The following PHYHIPL variants were observed in gnomAD, a reference collection of about 807,000 sequenced individuals.
PHYHIPL encodes phytanoyl-CoA hydroxylase-interacting protein-like.
PHYHIPL carries 9 observed loss-of-function variants against 33.4 expected under a neutral mutation model. The ratio of observed to expected loss-of-function variants is 0.27; its 90% confidence interval spans 0.16 to 0.47. The LOEUF is 0.47. Ranked by LOEUF, PHYHIPL falls within the 20% of genes least tolerant of loss-of-function variation. PHYHIPL has a pLI of 0.99. For missense variants in PHYHIPL, 365 were observed against 460.7 expected, an observed-to-expected ratio of 0.79 and a Z score of 1.90; for synonymous variants, 153 against 154.1, an observed-to-expected ratio of 0.99 and a Z score of 0.05.
chr10:59,188,684 T>C (rs886772525), intron 1 of PHYHIPL, among the ~76,000 whole-genome samples: 3 of 152,176 alleles, frequency 2.0e-5, no homozygotes, highest in Admixed American at 6.6e-5. Flanking sequence ...GGATAGTTAG[T>C]TCTTCTTGTT....
chr10:59,227,034 T>A (rs984101696), intron 1 of PHYHIPL, among the ~76,000 whole-genome samples: 1 of 152,196 alleles, frequency 6.6e-6, no homozygotes, highest in South Asian at 2.1e-4. Flanking sequence ...AAGCAAAAAG[T>A]GAAATAAGAT....
intron 1 of PHYHIPL, among the ~76,000 whole-genome samples, chr10:59,192,064 T>C (rs1246998135): frequency 6.6e-6 from 1 of 152,088 alleles, no homozygotes; most frequent in African/African-American, 2.4e-5. Flanking sequence ...GTATACTTGC[T>C]GGCTTGAATT....
chr10:59,176,774 C>A lies in PHYHIPL; in HGVS notation c.-80C>A. 7.6e-7 allele frequency: 1 copy of A among 1,312,712 alleles called. No homozygotes were observed. The highest frequency in any genetic ancestry group is 1.1e-6 in the Non-Finnish European group (1 of 944,022). The allele number at this position is 1,312,712 out of a possible 1,614,324, so 81.3% of individuals were successfully genotyped here. ...TCCCTCCCTCTGCCACTCCCCCTCCCTTTCCCGCTCTTCTTGCCCACCCGG... is the reference window on the plus strand; with the variant it reads ...TCCCTCCCTCTGCCACTCCCCCTCCATTTCCCGCTCTTCTTGCCCACCCGG... On this transcript the variant is annotated 5_prime_UTR_variant, in exon 1 of 5. Coordinates refer to ENST00000373880, the MANE Select transcript of PHYHIPL (RefSeq NM_032439.4).
At chr10:59,187,517 T>C (rs1838645211) in intron 1 of PHYHIPL, among the ~76,000 whole-genome samples, 1 of 152,214 alleles carries the variant, frequency 6.6e-6, no homozygotes, top group African/African-American at 2.4e-5. Context: ...TTTCTGTTGA[T>C]GGAAATAGTT....
At chr10:59,182,177 A>C (rs762938835) in intron 1 of PHYHIPL, among the ~76,000 whole-genome samples, 3 of 152,102 alleles carry the variant, frequency 2.0e-5, no homozygotes, top group Non-Finnish European at 4.4e-5. Context: ...GCTTTTCTTT[A>C]GTAAATGCAT....
chr10:59,215,041 T>C (rs931939824), intron 1 of PHYHIPL, among the ~76,000 whole-genome samples: 8 of 152,062 alleles, frequency 5.3e-5, no homozygotes, highest in Non-Finnish European at 1.0e-4. Context: ...CCTTTGCCTT[T>C]TTAAATATTA....
chr10:59,236,484 A>ATGTTCCCACAAAATTGGTGGCAAAAGC lies in PHYHIPL; in HGVS notation c.313_339dup (p.Thr105_Pro113dup). ...CTCTCTTCCTTCTTTCATTCCTAGG[A>ATGTTCCCACAAAATTGGTGGCAAAAGC]TGTTCCCACAAAATTGGTGGCAAAA... On this transcript the variant is annotated inframe_insertion and splice_region_variant, in exon 3 of 5. Transcript: ENST00000373880. The ATGTTCCCACAAAATTGGTGGCAAAAGC allele has an allele frequency of 6.3e-7, 1 of 1,576,962 alleles. No individual in the cohort carries two copies. Among genetic ancestry groups the ATGTTCCCACAAAATTGGTGGCAAAAGC allele is most frequent in the Non-Finnish European group, 8.6e-7 (1 of 1,159,600 alleles).
chr10:59,174,892 AACACAT>A (rs1681832015), upstream of PHYHIPL, among the ~76,000 whole-genome samples: 1 of 152,252 alleles, frequency 6.6e-6, no homozygotes, highest in Non-Finnish European at 1.5e-5. Context: ...CCAAATTTTC[AACACAT>A]AGCACAGTGT....
Position 59,176,718 on chromosome 10 carries a change from C to A in PHYHIPL, c.-136C>A. The A allele has an allele frequency of 2.6e-6, 2 of 766,566 alleles. No individual in the cohort carries two copies. The highest frequency in any genetic ancestry group is 2.9e-5 in the Admixed American group (1 of 34,908). 47.5% of individuals were successfully genotyped at this position (766,566 alleles called of 1,614,324 possible). The stretch of plus-strand genomic sequence containing the variant: ...GCTCTCCAGCCCCGCGCCTCAGCCT[C>A]GGCGCCGCATCACCGCGTCCCAGGC... On this transcript the variant is annotated 5_prime_UTR_variant, in exon 1 of 5. Coordinates refer to ENST00000373880, the MANE Select transcript of PHYHIPL (RefSeq NM_032439.4).
intron 4 of PHYHIPL, 106 bp from the exon 5 acceptor site, chr10:59,244,951 T>G: frequency 8.7e-7 from 1 of 1,144,310 alleles, no homozygotes; most frequent in East Asian, 2.5e-5. Context: ...AAGAGAGGTA[T>G]TCAGGCCTTT....
chr10:59,185,719 T>C lies in PHYHIPL; in HGVS notation c.106+8760T>C, dbSNP rs1217879321. ...TTTGCATTTCTCTGATGGCCAGTAA[T>C]GATGAGCATTTTTTCATGTGTCTGT... On this transcript the variant is annotated intron_variant, in intron 1 of 4. Transcript: ENST00000373880. Among the ~76,000 whole-genome samples the C allele has an allele frequency of 6.6e-5, 10 of 152,344 alleles. No individual in the cohort carries two copies. The East Asian group carries it at 1.2e-3, about 18-fold the overall frequency.
intron 1 of PHYHIPL, among the ~76,000 whole-genome samples, chr10:59,195,315 C>A (rs549464123): frequency 6.6e-6 from 1 of 152,228 alleles, no homozygotes; most frequent in African/African-American, 2.4e-5. Context: ...GAAAAGCATA[C>A]AAATTTATGT....
intron 1 of PHYHIPL, among the ~76,000 whole-genome samples, chr10:59,225,600 C>T (rs961543518): frequency 2.0e-5 from 3 of 152,148 alleles, no homozygotes; most frequent in African/African-American, 7.2e-5. Flanking sequence ...AGGCAGAATA[C>T]TGGTAGTAGA....
rs530788687 is a variant in PHYHIPL at position 59,185,260 on chromosome 10, G to A, written c.106+8301G>A. 5.6e-3 allele frequency among the ~76,000 whole-genome samples: 847 copies of A among 152,236 alleles called. 3 individuals carry two copies. Among genetic ancestry groups the A allele is most frequent in the South Asian group, 8.7e-3 (42 of 4,814 alleles). ...CCGCCTCGGCCTCCCAAAGTGCTGG[G>A]ATTACAGGCATGAGCCACCGCGCCC... is the stretch of plus-strand genomic sequence containing the variant. On this transcript the variant is annotated intron_variant, in intron 1 of 4. Coordinates refer to ENST00000373880, the MANE Select transcript of PHYHIPL (RefSeq NM_032439.4).
In PHYHIPL at chr10:59,176,650, C is replaced by G. The variant is rs1838258327; in HGVS notation, c.-204C>G. ...GGTCCTGCTCGGTCTCTCAGAGCCG[C>G]ACACTCCGCGGAGCTCCTGCCACAG... On this transcript the variant is annotated 5_prime_UTR_variant, in exon 1 of 5. Transcript: ENST00000373880. 3.7e-6 allele frequency: 2 copies of G among 537,476 alleles called. No individual in the cohort carries two copies. The highest frequency in any genetic ancestry group is 7.1e-5 in the Admixed American group (2 of 28,218). 33.3% of individuals were successfully genotyped at this position (537,476 alleles called of 1,614,324 possible).
At chr10:59,182,068 G>C (rs1163019065) in intron 1 of PHYHIPL, among the ~76,000 whole-genome samples, 2 of 152,124 alleles carry the variant, frequency 1.3e-5, no homozygotes, top group Non-Finnish European at 2.9e-5. Context: ...ATACTTTCCT[G>C]ATTACTTTTA....
rs1199829657 is a variant in PHYHIPL, at chr10:59,180,344, A to G, written c.106+3385A>G. Among the ~76,000 whole-genome samples, 60 of 101,660 alleles carry G rather than the reference A, an allele frequency of 5.9e-4. 1 individual carries two copies. The East Asian group carries it at 0.021, about 35-fold the overall frequency. 66.7% of individuals were successfully genotyped at this position (101,660 alleles called of 152,430 possible). On this transcript the variant is annotated intron_variant, in intron 1 of 4. Coordinates refer to ENST00000373880, the MANE Select transcript of PHYHIPL (RefSeq NM_032439.4). ...TATATATATATATATATATATATAT[A>G]TATATATATATATATATACTTTTTC...
At chr10:59,230,108 A>G (rs1276620920) in intron 1 of PHYHIPL, among the ~76,000 whole-genome samples, 1 of 152,160 alleles carries the variant, frequency 6.6e-6, no homozygotes, top group Non-Finnish European at 1.5e-5. Context: ...GTACACTTAA[A>G]ATGTTTTAGT....
rs184040686 is a variant in PHYHIPL, at chr10:59,198,153, G to A, written c.106+21194G>A. 4.8e-3 allele frequency among the ~76,000 whole-genome samples: 722 copies of A among 151,934 alleles called. 4 individuals carry two copies. Among genetic ancestry groups the A allele is most frequent in the African/African-American group, 0.017 (693 of 41,432 alleles). ...TGTGCCATGTTGGTGTGCTGCACCCGTTAACTCATCATTTACATTACGTAT... is the reference window on the plus strand; with the variant it reads ...TGTGCCATGTTGGTGTGCTGCACCCATTAACTCATCATTTACATTACGTAT... On this transcript the variant is annotated intron_variant, in intron 1 of 4. Coordinates refer to ENST00000373880, the MANE Select transcript of PHYHIPL (RefSeq NM_032439.4).
Sources: allele counts gnomAD v4.1 joint callset (sites outside exome capture counted in the v4.1 genomes callset), GRCh38; gene constraint gnomAD v4.1.1; transcripts MANE v1.5; gene names NCBI Gene and HGNC (gene_info 2026-07-23, HGNC 2026-07-21).